The following LRMDA variants were observed in gnomAD, a reference collection of about 807,000 sequenced individuals.
The protein encoded by LRMDA is leucine rich melanocyte differentiation associated, also known as leucine-rich melanocyte differentiation-associated protein.
LRMDA carries 18 observed loss-of-function variants against 29.8 expected under a neutral mutation model. The observed-to-expected ratio is 0.60, with a 90% CI of 0.42 to 0.90. LRMDA has a LOEUF of 0.90. Ranked by LOEUF, LRMDA falls within the 40% of genes least tolerant of loss-of-function variation. LRMDA has a pLI of 0.00. For missense variants in LRMDA, 273 were observed against 273.9 expected (o/e 1.00, Z 0.02); for synonymous variants, 125 against 109.4 (o/e 1.14, Z -0.89).
chr10:75,944,404 A>C (rs1194471813), intron 2 of LRMDA, among the ~76,000 whole-genome samples: 1 of 151,710 alleles, frequency 6.6e-6, no homozygotes, highest in Admixed American at 6.6e-5. Context: ...TGTGCTATGG[A>C]TTTCTGTAAG....
At chr10:75,660,858 GC>G (rs1841743459) in intron 2 of LRMDA, among the ~76,000 whole-genome samples, 1 of 152,090 alleles carries the variant, frequency 6.6e-6, no homozygotes, top group Non-Finnish European at 1.5e-5. Flanking sequence ...CTTGTTTACT[GC>G]CCAGAGTGCC....
Position 76,240,874 on chromosome 10 carries a change from G to A in LRMDA, c.517-83527G>A, listed in dbSNP as rs539478775. Among the ~76,000 whole-genome samples the A allele has an allele frequency of 2.9e-5, 4 of 138,814 alleles. No homozygotes were observed. In the South Asian group the frequency reaches 7.2e-4, roughly 25 times the overall value. 91.1% of individuals were successfully genotyped at this position (138,814 alleles called of 152,430 possible). A position where few individuals can be genotyped will look rare whatever the true frequency, so the allele number is the denominator to read the frequency against. On this transcript the variant is annotated intron_variant, in intron 5 of 6. Coordinates refer to ENST00000611255, the MANE Select transcript of LRMDA (RefSeq NM_001305581.2). Reference sequence around the variant, plus strand: ...TATATATATATACATATATATATACGCACACACACACATACACACATACAT... The same window carrying A: ...TATATATATATACATATATATATACACACACACACACATACACACATACAT...
chr10:75,962,045 T>C (rs1846777538), intron 2 of LRMDA, among the ~76,000 whole-genome samples: 1 of 152,236 alleles, frequency 6.6e-6, no homozygotes, highest in South Asian at 2.1e-4. Context: ...ACATCAGTCA[T>C]ATTGGATTAG....
Position 75,608,554 on chromosome 10 carries a change from T to G in LRMDA, c.131+170060T>G, listed in dbSNP as rs147585992. Among the ~76,000 whole-genome samples, 156 of 152,292 alleles carry G rather than the reference T, an allele frequency of 1.0e-3. 2 individuals are homozygous for G. Among genetic ancestry groups the G allele is most frequent in the Middle Eastern group, 6.8e-3 (2 of 294 alleles). On this transcript the variant is annotated intron_variant, in intron 2 of 6. Transcript: ENST00000611255. ...ACATTAATTAGTTTGACTATAATGT[T>G]CAGTTCACTAATGTACATGTATATT...
intron 2 of LRMDA, among the ~76,000 whole-genome samples, chr10:75,672,321 T>C (rs1313480508): frequency 1.3e-5 from 2 of 151,910 alleles, no homozygotes; most frequent in Non-Finnish European, 2.9e-5. Context: ...TGGCAAAGGA[T>C]AGGCCCCTTT....
intron 6 of LRMDA, among the ~76,000 whole-genome samples, chr10:76,408,047 T>G (rs1338328151): frequency 2.6e-5 from 4 of 152,166 alleles, no homozygotes; most frequent in Non-Finnish European, 4.4e-5. Context: ...CTCCTCCCAG[T>G]GTTATCTCAA....
At chr10:76,405,141 G>A (rs577043217) in intron 6 of LRMDA, among the ~76,000 whole-genome samples, 1 of 152,242 alleles carries the variant, frequency 6.6e-6, no homozygotes, top group South Asian at 2.1e-4. Flanking sequence ...AGTTTAATTT[G>A]TTACAACAGC....
chr10:75,818,591 C>T (rs906017597), intron 2 of LRMDA, among the ~76,000 whole-genome samples: 3 of 152,208 alleles, frequency 2.0e-5, no homozygotes, highest in African/African-American at 7.2e-5. Context: ...GTGCCCAGCC[C>T]TACCTTCAAC....
chr10:76,251,485 C>T (rs1852482663), intron 5 of LRMDA, among the ~76,000 whole-genome samples: 1 of 151,706 alleles, frequency 6.6e-6, no homozygotes, highest in African/African-American at 2.4e-5. Context: ...ATCTCCTGAC[C>T]TCATGATCCA....
At chr10:75,851,423 C>A (rs1014516903) in intron 2 of LRMDA, among the ~76,000 whole-genome samples, 1 of 152,064 alleles carries the variant, frequency 6.6e-6, no homozygotes, top group Non-Finnish European at 1.5e-5. Flanking sequence ...CCTCTTCTTT[C>A]CTTCCAACTC....
At chr10:75,471,446 G>A (rs1467035979) in intron 2 of LRMDA, among the ~76,000 whole-genome samples, 4 of 152,058 alleles carry the variant, frequency 2.6e-5, no homozygotes, top group Non-Finnish European at 5.9e-5. Context: ...TTGTTTCTGC[G>A]ATCTCCCTCT....
At chr10:75,608,621 A>G (rs1033350272) in intron 2 of LRMDA, among the ~76,000 whole-genome samples, 3 of 152,200 alleles carry the variant, frequency 2.0e-5, no homozygotes, top group African/African-American at 7.2e-5. Flanking sequence ...TAAATTGTAT[A>G]TATTGACAAT....
intron 2 of LRMDA, among the ~76,000 whole-genome samples, chr10:75,439,110 A>G (rs570149921): frequency 1.3e-5 from 2 of 152,318 alleles, no homozygotes; most frequent in Non-Finnish European, 2.9e-5. Flanking sequence ...GATCTTGTAT[A>G]TTATTCCAGT....
At chr10:75,868,510 C>T (rs1845056642) in intron 2 of LRMDA, among the ~76,000 whole-genome samples, 1 of 152,172 alleles carries the variant, frequency 6.6e-6, no homozygotes, top group Non-Finnish European at 1.5e-5. Flanking sequence ...ACTGCTTCAC[C>T]AATGCAGACT....
intron 6 of LRMDA, among the ~76,000 whole-genome samples, chr10:76,483,604 T>C (rs1256280297): frequency 6.6e-6 from 1 of 151,792 alleles, no homozygotes; most frequent in African/African-American, 2.4e-5. Flanking sequence ...AGGCGCACAG[T>C]GGCCTTAGTG....
intron 6 of LRMDA, among the ~76,000 whole-genome samples, chr10:76,422,368 T>G (rs1842079990): frequency 6.6e-6 from 1 of 152,086 alleles, no homozygotes; most frequent in African/African-American, 2.4e-5. Flanking sequence ...TAGCTCAGCA[T>G]TTTTAGTTTT....
At chr10:75,990,743 A>C (rs1183223779) in intron 2 of LRMDA, among the ~76,000 whole-genome samples, 1 of 152,114 alleles carries the variant, frequency 6.6e-6, no homozygotes, top group Non-Finnish European at 1.5e-5. Context: ...AATAAAGAGG[A>C]AATGGTCCAG....
chr10:76,143,468 T>G (rs929639869), intron 5 of LRMDA, among the ~76,000 whole-genome samples: 2 of 151,956 alleles, frequency 1.3e-5, no homozygotes, highest in African/African-American at 4.8e-5. Context: ...TTTCATGTGT[T>G]TTTTGGCTGC....
In LRMDA at chr10:76,118,136, A is replaced by C. The variant is rs955163419; in HGVS notation, c.516+59353A>C. Among the ~76,000 whole-genome samples, 50 of 152,194 alleles carry C rather than the reference A, an allele frequency of 3.3e-4. 1 individual carries two copies. Among genetic ancestry groups the C allele is most frequent in the Non-Finnish European group, 2.9e-5 (2 of 68,040 alleles). On this transcript the variant is annotated intron_variant, in intron 5 of 6. Coordinates refer to ENST00000611255, the MANE Select transcript of LRMDA (RefSeq NM_001305581.2). ...GACTCACTGGTAAAATTTGGGAATCATTTTATGAGAGAGGCCACAAGCAAA... is the reference window on the plus strand; with the variant it reads ...GACTCACTGGTAAAATTTGGGAATCCTTTTATGAGAGAGGCCACAAGCAAA...
Sources: allele counts gnomAD v4.1 joint callset (sites outside exome capture counted in the v4.1 genomes callset), GRCh38; gene constraint gnomAD v4.1.1; transcripts MANE v1.5; gene names NCBI Gene and HGNC (gene_info 2026-07-23, HGNC 2026-07-21).